Variants in CTNND2 observed in about 807,000 individuals in gnomAD.
CTNND2 encodes the protein catenin delta-2.
A neutral mutation model predicts 144.4 loss-of-function variants in CTNND2; 22 were observed. The ratio of observed to expected loss-of-function variants is 0.15; its 90% CI spans 0.11 to 0.22. The LOEUF (loss-of-function observed/expected upper bound fraction) is 0.22. CTNND2 is among the 10% of genes least tolerant of loss of function. The probability of loss-of-function intolerance (pLI) is 1.00; values close to 1 mark genes in which losing one functional copy is unlikely to be tolerated. For missense variants in CTNND2, 1,353 were observed against 1,618.8 expected, an observed-to-expected ratio of 0.84 and a Z score of 2.82; for synonymous variants, 751 against 695.6, an observed-to-expected ratio of 1.08 and a Z score of -1.25.
In CTNND2 at chr5:11,904,259, C is replaced by G. The variant is rs1032406586; in HGVS notation, c.-406G>C. 6.9e-6 allele frequency among the ~76,000 whole-genome samples: 1 copy of G among 145,628 alleles called. No individual in the cohort carries two copies. Among genetic ancestry groups the G allele is most frequent in the Non-Finnish European group, 1.5e-5 (1 of 65,598 alleles). Reference sequence around the variant, plus strand: ...CTGGGGCCGCCGCGGCGCCCGGCGCCGAGCGCTCCCGAGCTGCGCCCCGCG... The same window carrying G: ...CTGGGGCCGCCGCGGCGCCCGGCGCGGAGCGCTCCCGAGCTGCGCCCCGCG... On this transcript the variant is annotated 5_prime_UTR_variant, in exon 1 of 22. Transcript: ENST00000304623. The surrounding 1 kb of genome is among the most constrained non-coding windows in gnomAD (Gnocchi z 4.2).
At chr5:11,467,622 T>C (rs902991158) in intron 3 of CTNND2, among the ~76,000 whole-genome samples, 3 of 152,204 alleles carry the variant, frequency 2.0e-5, no homozygotes, top group Non-Finnish European at 4.4e-5. Context: ...CAAATAAATA[T>C]GCTTTTACTA....
intron 10 of CTNND2, among the ~76,000 whole-genome samples, chr5:11,223,201 C>T (rs1275433612): frequency 6.6e-6 from 1 of 152,206 alleles, no homozygotes; most frequent in Non-Finnish European, 1.5e-5. Flanking sequence ...AGGAACACGT[C>T]TAAATCCCTC....
intron 9 of CTNND2, among the ~76,000 whole-genome samples, chr5:11,302,512 G>A (rs1749718154): frequency 1.3e-5 from 2 of 152,194 alleles, no homozygotes; most frequent in Admixed American, 1.3e-4. Context: ...TGATGCCAAA[G>A]GAACGCAACA....
intron 14 of CTNND2, among the ~76,000 whole-genome samples, chr5:11,100,791 A>G (rs1751806798): frequency 6.6e-6 from 1 of 152,258 alleles, no homozygotes; most frequent in Non-Finnish European, 1.5e-5. Context: ...TTTATGTAAG[A>G]GCTAACCTAA....
chr5:11,895,850 T>C (rs562613016), intron 1 of CTNND2, among the ~76,000 whole-genome samples: 3 of 152,024 alleles, frequency 2.0e-5, no homozygotes, highest in South Asian at 4.2e-4. Flanking sequence ...AATTAGAAAA[T>C]ATTTAACCTC....
intron 8 of CTNND2, among the ~76,000 whole-genome samples, chr5:11,359,696 G>T (rs1371757749): frequency 6.6e-6 from 1 of 152,188 alleles, no homozygotes; most frequent in Non-Finnish European, 1.5e-5. Flanking sequence ...GGCCAGGGAT[G>T]CAGGCATTGC....
chr5:11,478,167 T>G (rs1040075069), intron 3 of CTNND2, among the ~76,000 whole-genome samples: 1 of 152,244 alleles, frequency 6.6e-6, no homozygotes, highest in African/African-American at 2.4e-5. Context: ...TATGTGTGTG[T>G]GCATATTTTT....
At chr5:11,667,381 C>A (rs569783479) in intron 2 of CTNND2, among the ~76,000 whole-genome samples, 4 of 152,220 alleles carry the variant, frequency 2.6e-5, no homozygotes, top group Admixed American at 6.5e-5. Context: ...ACACTCCCAA[C>A]AACAGTGTAA....
chr5:11,326,312 G>T (rs1302131932), intron 9 of CTNND2, among the ~76,000 whole-genome samples: 1 of 152,170 alleles, frequency 6.6e-6, no homozygotes, highest in Non-Finnish European at 1.5e-5. Flanking sequence ...AGTTGAGAAG[G>T]TTTGTCCATA....
chr5:11,246,701 C>A (rs1456084501), intron 9 of CTNND2, among the ~76,000 whole-genome samples: 1 of 108,048 alleles, frequency 9.3e-6, no homozygotes, highest in African/African-American at 3.7e-5. Context: ...AGGGACACGA[C>A]AGTCTGTGTG....
At chr5:11,006,293 C>T (rs992275660) in intron 18 of CTNND2, among the ~76,000 whole-genome samples, 3 of 152,222 alleles carry the variant, frequency 2.0e-5, no homozygotes, top group African/African-American at 7.2e-5. Context: ...TTCCTGGATG[C>T]CCATCTAGAC....
intron 1 of CTNND2, among the ~76,000 whole-genome samples, chr5:11,753,997 G>C (rs1333808189): frequency 6.6e-6 from 1 of 151,150 alleles, no homozygotes; most frequent in Non-Finnish European, 1.5e-5. Flanking sequence ...AGGGATTTTT[G>C]TATTTCTTGG....
intron 3 of CTNND2, among the ~76,000 whole-genome samples, chr5:11,482,120 T>C (rs1231936336): frequency 1.3e-5 from 2 of 152,172 alleles, no homozygotes; most frequent in African/African-American, 4.8e-5. Context: ...TCATATGAAC[T>C]TGATTATGCC....
At chr5:11,179,085 T>C (rs1760753422) in intron 11 of CTNND2, among the ~76,000 whole-genome samples, 1 of 152,110 alleles carries the variant, frequency 6.6e-6, no homozygotes, top group Admixed American at 6.6e-5. Flanking sequence ...GTCTCTTGGA[T>C]GGACACATTT....
At chr5:11,793,352 A>G (rs371625709) in intron 1 of CTNND2, among the ~76,000 whole-genome samples, 2 of 152,330 alleles carry the variant, frequency 1.3e-5, no homozygotes, top group African/African-American at 4.8e-5. Flanking sequence ...AATGTCACAC[A>G]CAGTATTATT....
intron 5 of CTNND2, among the ~76,000 whole-genome samples, chr5:11,410,836 A>G (rs1041435742): frequency 6.6e-6 from 1 of 151,748 alleles, no homozygotes; most frequent in Non-Finnish European, 1.5e-5. Context: ...TATGATTTCT[A>G]CCAACAGTGA....
rs192107351 is a variant in CTNND2 at position 11,816,490 on chromosome 5, G to A, written c.38-84218C>T. Reference sequence around the variant, plus strand: ...CTCAGAAAAACGCAATAGAGGGGCCGCAGTCAGCATCTGGGGTGCCTGTGG... The same window carrying A: ...CTCAGAAAAACGCAATAGAGGGGCCACAGTCAGCATCTGGGGTGCCTGTGG... On this transcript the variant is annotated intron_variant, in intron 1 of 21. Transcript: ENST00000304623. Among the ~76,000 whole-genome samples, 56 of 150,644 alleles carry A rather than the reference G, an allele frequency of 3.7e-4. 1 individual carries two copies. Among genetic ancestry groups the A allele is most frequent in the Admixed American group, 2.7e-3 (41 of 15,140 alleles).
At chr5:11,507,240 T>C (rs933605163) in intron 3 of CTNND2, among the ~76,000 whole-genome samples, 2 of 152,150 alleles carry the variant, frequency 1.3e-5, no homozygotes, top group African/African-American at 4.8e-5. Flanking sequence ...CTGAGAAACA[T>C]TCAATGGTTC....
At chr5:11,828,128 T>C (rs975280384) in intron 1 of CTNND2, among the ~76,000 whole-genome samples, 3 of 152,172 alleles carry the variant, frequency 2.0e-5, no homozygotes, top group South Asian at 2.1e-4. Flanking sequence ...AATTCCCATA[T>C]GTTGTGGGAG....
Sources: gnomAD v4.1 joint callset for allele counts (sites outside exome capture counted in the v4.1 genomes callset) on GRCh38, gnomAD v4.1.1 for gene constraint, Gnocchi (gnomAD v3.1) non-coding constraint, MANE v1.5 for transcripts, NCBI Gene and HGNC (gene_info 2026-07-23, HGNC 2026-07-21) for gene names.